Variants in HSD17B4 observed in about 807,000 individuals in gnomAD.
HSD17B4 encodes the protein peroxisomal multifunctional enzyme type 2.
In HSD17B4, 70 loss-of-function variants were observed where a neutral mutation model predicts 101.0. That is an observed-to-expected ratio of 0.69 (90% CI 0.57 to 0.85). The LOEUF (loss-of-function observed/expected upper bound fraction) is 0.85. Ranked by LOEUF, HSD17B4 falls within the 40% of genes least tolerant of loss-of-function variation. The probability of loss-of-function intolerance (pLI) is 0.00; values close to 1 mark genes in which losing one functional copy is unlikely to be tolerated. For synonymous variants in HSD17B4, 347 were observed against 297.1 expected, an observed-to-expected ratio of 1.17 and a Z score of -1.73; for missense variants, 984 against 892.4, an observed-to-expected ratio of 1.10 and a Z score of -1.31.
intron 2 of HSD17B4, among the ~76,000 whole-genome samples, chr5:119,470,582 C>A (rs960684386): frequency 1.3e-5 from 2 of 152,172 alleles, no homozygotes; most frequent in African/African-American, 4.8e-5. Flanking sequence ...AACCTTTTGC[C>A]CACAATGGGA....
chr5:119,478,378 A>G (rs762671266), intron 7 of HSD17B4, among the ~76,000 whole-genome samples: 9 of 152,180 alleles, frequency 5.9e-5, no homozygotes, highest in Non-Finnish European at 1.2e-4. Flanking sequence ...GTTTCTGAAA[A>G]TAAATAATAT....
At chr5:119,522,765 G>A (rs1041698123) in intron 17 of HSD17B4, among the ~76,000 whole-genome samples, 23 of 152,038 alleles carry the variant, frequency 1.5e-4, no homozygotes, top group African/African-American at 5.6e-4. Flanking sequence ...CTCCAAAGGT[G>A]ATATCTTTGT....
At chr5:119,462,912 A>G (rs1026183882) in intron 2 of HSD17B4, among the ~76,000 whole-genome samples, 19 of 152,214 alleles carry the variant, frequency 1.2e-4, no homozygotes, top group Non-Finnish European at 1.8e-4. Context: ...ATTGTTGGCC[A>G]TAATCACCCT....
intron 14 of HSD17B4, among the ~76,000 whole-genome samples, chr5:119,505,228 G>C (rs1405725120): frequency 6.6e-6 from 1 of 151,416 alleles, no homozygotes; most frequent in Non-Finnish European, 1.5e-5. Context: ...TGACTATTCT[G>C]GCTCTTTCTG....
At position 119,531,338 on chromosome 5, in the gene HSD17B4, G is replaced by T; in HGVS notation, c.1927G>T (p.Val643Leu). The change falls in exon 22 of 24, where the codon GTG becomes TTG. Residue 643 changes from valine (V) to leucine (L), a missense_variant. Coordinates refer to ENST00000510025, the MANE Select transcript of HSD17B4 (RefSeq NM_000414.4). Reference protein sequence around the residue: ...RRLKDIGPEVVKKVNAVFEWH... With the variant: ...RRLKDIGPEVLKKVNAVFEWH... ...CCTAAAGGATATTGGGCCTGAGGTG[G>T]TGAAGAAAGTAAATGCTGTATTTGA... 6.2e-7 allele frequency: 1 copy of T among 1,613,654 alleles called. No individual in the cohort carries two copies. The highest frequency in any genetic ancestry group is 8.5e-7 in the Non-Finnish European group (1 of 1,179,702).
intron 15 of HSD17B4, among the ~76,000 whole-genome samples, chr5:119,508,183 C>T (rs1209941470): frequency 2.0e-5 from 3 of 151,798 alleles, no homozygotes; most frequent in Non-Finnish European, 4.4e-5. Flanking sequence ...CTACTATTCT[C>T]CCAGTTCTCT....
At chr5:119,456,838 G>T (rs80042976) in intron 2 of HSD17B4, 220 of 175,648 alleles carry the variant, frequency 1.3e-3, no homozygotes, top group Non-Finnish European at 1.9e-3. Context: ...TTTGAGACAG[G>T]AGGTTTGTCT....
At chr5:119,480,933 C>T (rs966294562) in intron 8 of HSD17B4, among the ~76,000 whole-genome samples, 4 of 152,114 alleles carry the variant, frequency 2.6e-5, no homozygotes, top group East Asian at 1.9e-4. Flanking sequence ...CTGTTCTGCT[C>T]GGCTCACCAG....
chr5:119,478,886 A>C lies in HSD17B4; in HGVS notation c.487A>C (p.Asn163His). 1.2e-6 allele frequency: 2 copies of C among 1,613,728 alleles called. No homozygotes were observed. The highest frequency in any genetic ancestry group is 8.5e-7 in the Non-Finnish European group (1 of 1,179,704). ...SGIYGNFGQA[N>H]YSAAKLGLLG... ...AATATATGGCAACTTTGGCCAGGCC[A>C]ATTATAGTGCTGCAAAGTTGGGTCT... The change falls in exon 8 of 24, where the codon AAT becomes CAT. Residue 163 changes from asparagine (N) to histidine (H), a missense_variant. Physicochemically the swap from Asn to His is moderately conservative, Grantham distance 68 (BLOSUM62 1). Coordinates refer to ENST00000510025, the MANE Select transcript of HSD17B4 (RefSeq NM_000414.4).
In HSD17B4 at chr5:119,511,866, A is replaced by G. The variant is rs190467638; in HGVS notation, c.1437+2622A>G. ...CAAAAAATTATAAGATATGGAAGAA[A>G]CAGGAGAGTGTGATGCATAGACGGA... On this transcript the variant is annotated intron_variant, in intron 16 of 23. Transcript: ENST00000510025. 2.9e-4 allele frequency among the ~76,000 whole-genome samples: 44 copies of G among 151,780 alleles called. No individual in the cohort carries two copies. In the East Asian group the frequency reaches 8.3e-3, roughly 29 times the overall value.
At chr5:119,483,803 A>G (rs1025865509) in intron 8 of HSD17B4, among the ~76,000 whole-genome samples, 7 of 152,166 alleles carry the variant, frequency 4.6e-5, no homozygotes, top group Admixed American at 2.6e-4. Flanking sequence ...ATTTTATCTA[A>G]TGAACACTTG....
At chr5:119,461,170 C>G (rs1238360466) in intron 2 of HSD17B4, among the ~76,000 whole-genome samples, 1 of 152,106 alleles carries the variant, frequency 6.6e-6, no homozygotes, top group Non-Finnish European at 1.5e-5. Context: ...AACTTTATTT[C>G]TCTCTCAACA....
At chr5:119,462,248 A>ATTTTTTTTTTTTTTTTTTTTTTTTT (rs10524491) in intron 2 of HSD17B4, among the ~76,000 whole-genome samples, 3 of 30,042 alleles carry the variant, frequency 1.0e-4, no homozygotes, top group Non-Finnish European at 2.4e-4. Flanking sequence ...AACAAATGTG[A>ATTTTTTTTTTTTTTTTTTTTTTTTT]TTTTTTTTTT....
chr5:119,453,704 A>C (rs1754310332), intron 1 of HSD17B4, among the ~76,000 whole-genome samples: 1 of 152,246 alleles, frequency 6.6e-6, no homozygotes, highest in Admixed American at 6.5e-5. Flanking sequence ...TGCCTTTCAG[A>C]AAATGCTTTC....
chr5:119,458,580 C>T (rs1163577326), intron 2 of HSD17B4, among the ~76,000 whole-genome samples: 2 of 151,392 alleles, frequency 1.3e-5, no homozygotes, highest in Non-Finnish European at 2.9e-5. Context: ...AACTCCTGAC[C>T]TCTTTTTAGA....
chr5:119,467,500 G>A (rs762647520), intron 2 of HSD17B4, among the ~76,000 whole-genome samples: 41 of 152,200 alleles, frequency 2.7e-4, no homozygotes, highest in Non-Finnish European at 5.4e-4. Context: ...ATTTACAACT[G>A]TTATGTCCTC....
chr5:119,508,648 C>G (rs1751883770), intron 15 of HSD17B4, among the ~76,000 whole-genome samples: 2 of 152,040 alleles, frequency 1.3e-5, no homozygotes, highest in South Asian at 2.1e-4. Context: ...GCCTTTTTTT[C>G]TGTACAGGAA....
At position 119,496,632 on chromosome 5, in the gene HSD17B4, G is replaced by C. The variant is rs772158410; in HGVS notation, c.958G>C (p.Ala320Pro). ...TCATACTAGTCGTGCAACGTCTACA[G>C]CAACATCAGGATTTGTAAGTGGGAA... ...ANHTSRATST[A>P]TSGFAGAIGQ... is the part of the protein sequence containing the mutation. The change falls in exon 12 of 24, where the codon GCA (alanine) becomes CCA (proline). Residue 320 changes from alanine (A) to proline (P), a missense_variant. Physicochemically the swap from Ala to Pro is conservative, Grantham distance 27. Coordinates refer to ENST00000510025, the MANE Select transcript of HSD17B4 (RefSeq NM_000414.4). 2 of 1,586,506 alleles carry C rather than the reference G, an allele frequency of 1.3e-6. No individual in the cohort carries two copies. Among genetic ancestry groups the C allele is most frequent in the East Asian group, 4.5e-5 (2 of 44,716 alleles).
intron 2 of HSD17B4, chr5:119,472,555 T>TCCCGAGTAGCTGGGATTA (rs1756481092): frequency 6.6e-6 from 1 of 152,224 alleles, no homozygotes; most frequent in African/African-American, 2.4e-5. Context: ...TGCCTCAGCC[T>TCCCGAGTAGCTGGGATTA]CCCGAGTAGC....
Sources: gnomAD v4.1 joint callset for allele counts (sites outside exome capture counted in the v4.1 genomes callset) on GRCh38, gnomAD v4.1.1 for gene constraint, MANE v1.5 for transcripts, NCBI Gene and HGNC (gene_info 2026-07-23, HGNC 2026-07-21) for gene names.